GRIP1: variants seen among roughly 807,000 people sequenced by gnomAD.
GRIP1 encodes glutamate receptor-interacting protein 1.
GRIP1 carries 45 observed loss-of-function variants against 129.9 expected under a neutral mutation model. The ratio of observed to expected loss-of-function variants is 0.35; its 90% CI spans 0.27 to 0.44. The LOEUF is 0.44. Among genes scored for constraint, GRIP1 ranks in the 20% least tolerant of loss-of-function variants. The pLI is 1.00. For missense variants in GRIP1, 1,196 were observed against 1,396.8 expected (o/e 0.86, Z 2.29); for synonymous variants, 530 against 520.8 (o/e 1.02, Z -0.24).
At position 66,663,507 on chromosome 12, in the gene GRIP1, T is replaced by C. The variant is rs564580435; in HGVS notation, c.55+15343A>G. ...TTTTGCTTCATGGCACAGAGCTTAA[T>C]GGTTTGACAGAATTGACTTGAAATG... is the stretch of plus-strand genomic sequence containing the variant. On this transcript the variant is annotated intron_variant, in intron 1 of 24. Coordinates refer to ENST00000359742, the MANE Select transcript of GRIP1 (RefSeq NM_001366722.1). 2.6e-5 allele frequency among the ~76,000 whole-genome samples: 4 copies of C among 152,300 alleles called. No individual in the cohort carries two copies. The South Asian group carries it at 6.2e-4, about 24-fold the overall frequency.
At chr12:66,429,732 A>G (rs1355748345) in intron 14 of GRIP1, among the ~76,000 whole-genome samples, 1 of 152,170 alleles carries the variant, frequency 6.6e-6, no homozygotes, top group East Asian at 1.9e-4. Context: ...TAATATTTCA[A>G]AAGGCTCTGT....
intron 7 of GRIP1, among the ~76,000 whole-genome samples, chr12:66,477,508 C>G (rs548191806): frequency 6.6e-6 from 1 of 151,998 alleles, no homozygotes; most frequent in South Asian, 2.1e-4. Context: ...TGACTTTCTT[C>G]ACAGAATTGG....
At position 66,379,361 on chromosome 12, in the gene GRIP1, G is replaced by T. The variant is rs1196449490; in HGVS notation, c.2540C>A (p.Ser847Tyr). 1 of 1,614,020 alleles carries T rather than the reference G, an allele frequency of 6.2e-7. No homozygotes were observed. Among genetic ancestry groups the T allele is most frequent in the South Asian group, 1.1e-5 (1 of 91,064 alleles). The change falls in exon 20 of 25, where the codon TCC becomes TAC. Residue 847 changes from serine to tyrosine, a missense_variant. Around this residue, in one of 5 missense-constraint regions of GRIP1, gnomAD observed 427 missense variants for 463.3 expected, o/e 0.92. Transcript: ENST00000359742. ...WRSPKQRGSLSPVTKPRSQTY... is the reference protein window; with the variant it reads ...WRSPKQRGSLYPVTKPRSQTY... The stretch of plus-strand genomic sequence containing the variant: ...CTGGCTTCGAGGCTTAGTGACTGGG[G>T]ACAAGCTGCCTCTCTGTTTTGGACT...
At chr12:66,495,859 G>A (rs186455759) in intron 7 of GRIP1, among the ~76,000 whole-genome samples, 1 of 152,332 alleles carries the variant, frequency 6.6e-6, no homozygotes, top group East Asian at 1.9e-4. Flanking sequence ...GTTACACAAA[G>A]CCGTTCCCGG....
At chr12:66,983,979 T>A (rs149787282) in intron 1 of GRIP1, among the ~76,000 whole-genome samples, 1,576 of 152,228 alleles carry the variant, frequency 0.01, 12 homozygotes, top group Middle Eastern at 0.051. Context: ...CAGAAGATGT[T>A]GATCATAGCA....
intron 1 of GRIP1, among the ~76,000 whole-genome samples, chr12:66,866,223 C>T (rs2040202593): frequency 6.6e-6 from 1 of 152,142 alleles, no homozygotes; most frequent in Admixed American, 6.5e-5. Context: ...AATCCCAGCA[C>T]TTTGAGAGGT....
chr12:66,708,431 T>C (rs2035607841), intron 1 of GRIP1, among the ~76,000 whole-genome samples: 1 of 152,014 alleles, frequency 6.6e-6, no homozygotes, highest in Non-Finnish European at 1.5e-5. Context: ...AAGTTTACCA[T>C]ACTAGAATTA....
chr12:66,919,162 T>C lies in GRIP1; in HGVS notation c.58+149888A>G, dbSNP rs533357723. 1.4e-4 allele frequency among the ~76,000 whole-genome samples: 21 copies of C among 152,314 alleles called. 1 individual carries two copies. The South Asian group carries it at 4.1e-3, about 30-fold the overall frequency. On this transcript the variant is annotated intron_variant, in intron 1 of 1. Coordinates refer to the GRIP1 transcript ENST00000643019. Reference sequence around the variant, plus strand: ...CATAGTCCAATAAGAAGGAAATCTATGTAAATCCCAAATTATCAATTTTTT... The same window carrying C: ...CATAGTCCAATAAGAAGGAAATCTACGTAAATCCCAAATTATCAATTTTTT...
intron 1 of GRIP1, among the ~76,000 whole-genome samples, chr12:67,063,059 A>C (rs540440966): frequency 6.6e-6 from 1 of 152,278 alleles, no homozygotes; most frequent in African/African-American, 2.4e-5. Context: ...CATATTTGTT[A>C]ATTTCATTTA....
chr12:66,588,105 CT>C (rs2063711832), intron 2 of GRIP1, among the ~76,000 whole-genome samples: 1 of 151,532 alleles, frequency 6.6e-6, no homozygotes, highest in Admixed American at 6.6e-5. Flanking sequence ...TATTTTACAG[CT>C]TTGCATTATT....
chr12:66,960,456 A>C (rs1191164456), intron 1 of GRIP1, among the ~76,000 whole-genome samples: 1 of 152,162 alleles, frequency 6.6e-6, no homozygotes, highest in East Asian at 1.9e-4. Flanking sequence ...GCAGTGTGGT[A>C]AGATCAGCAT....
At chr12:67,048,768 C>T (rs1257353636) in intron 1 of GRIP1, among the ~76,000 whole-genome samples, 1 of 152,134 alleles carries the variant, frequency 6.6e-6, no homozygotes, top group East Asian at 1.9e-4. Context: ...GAATACCTAA[C>T]AGTTTTTAAA....
At chr12:66,476,290 C>T (rs927500847) in intron 7 of GRIP1, among the ~76,000 whole-genome samples, 2 of 152,176 alleles carry the variant, frequency 1.3e-5, no homozygotes, top group Middle Eastern at 3.2e-3. Context: ...TTCCTGGACA[C>T]ATACACCCTC....
At chr12:66,436,506 A>G (rs562001814) in intron 13 of GRIP1, among the ~76,000 whole-genome samples, 20 of 152,362 alleles carry the variant, frequency 1.3e-4, no homozygotes, top group African/African-American at 4.6e-4. Context: ...AAGGCAAAAT[A>G]TAAATTGTGC....
intron 1 of GRIP1, among the ~76,000 whole-genome samples, chr12:66,716,492 T>TC (rs955467508): frequency 6.7e-6 from 1 of 149,256 alleles, no homozygotes; most frequent in African/African-American, 2.4e-5. Flanking sequence ...TTAGGTTTCT[T>TC]TTTTTTTTTA....
chr12:66,807,653 G>A (rs555391275), upstream of GRIP1, among the ~76,000 whole-genome samples: 105 of 152,110 alleles, frequency 6.9e-4, 2 homozygotes, highest in African/African-American at 2.3e-3. Flanking sequence ...CAGCCTGGGC[G>A]ATGGAGTAAA....
At chr12:66,884,453 A>G (rs993624222) in intron 1 of GRIP1, among the ~76,000 whole-genome samples, 1 of 152,222 alleles carries the variant, frequency 6.6e-6, no homozygotes, top group African/African-American at 2.4e-5. Flanking sequence ...CATTTATCTT[A>G]AAGGAAAGAG....
intron 1 of GRIP1, among the ~76,000 whole-genome samples, chr12:66,677,561 A>G (rs1170900966): frequency 2.0e-5 from 3 of 152,196 alleles, no homozygotes; most frequent in Non-Finnish European, 2.9e-5. Flanking sequence ...TGTAGAGGAT[A>G]AAGTCAAAAC....
intron 1 of GRIP1, among the ~76,000 whole-genome samples, chr12:66,908,351 G>T (rs1292690462): frequency 6.6e-6 from 1 of 152,146 alleles, no homozygotes. Context: ...AAAAGTCCAG[G>T]AAAGTCTCTG....
Sources: gnomAD v4.1 joint callset for allele counts (sites outside exome capture counted in the v4.1 genomes callset) on GRCh38, gnomAD v4.1.1 for gene constraint, gnomAD v4.1.1 regional missense constraint, MANE v1.5 for transcripts, NCBI Gene and HGNC (gene_info 2026-07-23, HGNC 2026-07-21) for gene names.